USP34: variants seen among roughly 807,000 people sequenced by gnomAD.
USP34 encodes ubiquitin carboxyl-terminal hydrolase 34.
In USP34, 70 loss-of-function variants were observed where a neutral mutation model predicts 460.3. That is an observed-to-expected ratio of 0.15 (90% CI 0.13 to 0.19). USP34 has a LOEUF of 0.19. USP34 is among the 10% of genes least tolerant of loss of function. USP34 has a pLI of 1.00. For missense variants in USP34, 3,985 were observed against 4,236.2 expected (o/e 0.94, Z 1.65); for synonymous variants, 1,647 against 1,405.3 (o/e 1.17, Z -3.85).
At chr2:61,427,814 A>C (rs1694555044) in intron 1 of USP34, among the ~76,000 whole-genome samples, 1 of 152,160 alleles carries the variant, frequency 6.6e-6, no homozygotes, top group Non-Finnish European at 1.5e-5. Context: ...CGGAATTTCT[A>C]AAAATGAAGC....
Position 61,295,231 on chromosome 2 carries a change from C to T in USP34, c.4314G>A (p.Leu1438=), listed in dbSNP as rs1340456365. The T allele has an allele frequency of 6.2e-7, 1 of 1,612,078 alleles. No homozygotes were observed. Among genetic ancestry groups the T allele is most frequent in the Non-Finnish European group, 8.5e-7 (1 of 1,179,248 alleles). The change falls in exon 31 of 80, where the codon TTG becomes TTA. Residue 1438 remains leucine (L), a synonymous_variant. Coordinates refer to ENST00000398571, the MANE Select transcript of USP34 (RefSeq NM_014709.4). ...LLKIKSAHKL[L]YALEIIEALG... is the part of the protein sequence containing the mutation. ...GTGCTTCAATAATTTCCAGAGCATA[C>T]AATAGCTTGTGGGCGCTCTTAATTT...
chr2:61,211,728 T>A (rs772223463), intron 69 of USP34, 44 bp downstream of exon 69: 23 of 1,511,336 alleles, frequency 1.5e-5, no homozygotes, highest in Non-Finnish European at 2.0e-5. Flanking sequence ...ATGGTCCTCA[T>A]CTCACTGGAA....
intron 1 of USP34, among the ~76,000 whole-genome samples, chr2:61,468,738 AT>A: frequency 6.6e-6 from 1 of 152,300 alleles, no homozygotes; most frequent in East Asian, 1.9e-4. Flanking sequence ...AATTCTCCAC[AT>A]TTCTAACACT....
intron 57 of USP34, among the ~76,000 whole-genome samples, chr2:61,234,013 A>G (rs988151240): frequency 6.6e-6 from 1 of 151,968 alleles, no homozygotes; most frequent in Non-Finnish European, 1.5e-5. Flanking sequence ...TCCATTATGG[A>G]AAAAAAAGGA....
chr2:61,225,334 A>G (rs748466810), intron 62 of USP34, among the ~76,000 whole-genome samples: 6 of 152,150 alleles, frequency 3.9e-5, no homozygotes, highest in Non-Finnish European at 8.8e-5. Context: ...TATTACAAAT[A>G]ATATAATTAC....
Position 61,314,866 on chromosome 2 carries a change from A to G in USP34, c.3382+9T>C, listed in dbSNP as rs373268568. On this transcript the variant is annotated intron_variant, in intron 24 of 79. Transcript: ENST00000398571. ...AATTACCTATCAGACAATGTTTCAA[A>G]TCACTTACCATTAATATAATAGGAG... The G allele has an allele frequency of 1.4e-5, 23 of 1,601,966 alleles. No individual in the cohort carries two copies. The highest frequency in any genetic ancestry group is 1.8e-5 in the Non-Finnish European group (21 of 1,176,926).
chr2:61,333,909 C>T lies in USP34; in HGVS notation c.2807G>A (p.Ser936Asn). 1 of 1,592,256 alleles carries T rather than the reference C, an allele frequency of 6.3e-7. No homozygotes were observed. Among genetic ancestry groups the T allele is most frequent in the Admixed American group, 1.7e-5 (1 of 57,938 alleles). ...KLFGTFQQFG[S>N]SYDTHWITMW... ...TGTTATCCAGTGTGTATCGTAACTG[C>T]TCCCAAACTGCTGAAAAGTACCAAA... The change falls in exon 19 of 80, where the codon AGC becomes AAC. Residue 936 changes from serine to asparagine, a missense_variant. Ser to Asn is a conservative substitution (Grantham distance 46). Around this residue, in one of 14 missense-constraint regions of USP34, gnomAD observed 1,114 missense variants for 1,122.5 expected, o/e 0.99. Coordinates refer to ENST00000398571, the MANE Select transcript of USP34 (RefSeq NM_014709.4).
intron 18 of USP34, among the ~76,000 whole-genome samples, chr2:61,336,809 CAAAAAAA>C (rs10593128): frequency 7.5e-4 from 49 of 65,054 alleles, no homozygotes; most frequent in African/African-American, 2.4e-3. Flanking sequence ...GACTCCATCT[CAAAAAAA>C]AAAAAAAAAA....
chr2:61,222,697 T>A, intron 64 of USP34, 34 bp from the exon 65 acceptor site: 1 of 1,586,144 alleles, frequency 6.3e-7, no homozygotes, highest in African/African-American at 1.3e-5. Flanking sequence ...CAGGATATTC[T>A]TGTTTTGTTT....
chr2:61,241,791 T>C lies in USP34; in HGVS notation c.6656A>G (p.Lys2219Arg). Residue 2219 changes from lysine (K) to arginine (R), a missense_variant, in exon 52 of 80, where the codon AAA (lysine) becomes AGA (arginine). By Grantham distance (26) the Lys-to-Arg change is conservative (BLOSUM62 2). Transcript: ENST00000398571. ...TTKTYDSVTDKFMDFSFEKTH... is the reference protein window; with the variant it reads ...TTKTYDSVTDRFMDFSFEKTH... ...CTTTTCAAAAGAGAAGTCCATAAAT[T>C]TATCTGTAACAGAATCATAGGTCTT... 1 of 1,539,400 alleles carries C rather than the reference T, an allele frequency of 6.5e-7. No homozygotes were observed.
At chr2:61,450,447 A>T (rs1013610810) in intron 1 of USP34, among the ~76,000 whole-genome samples, 10 of 152,176 alleles carry the variant, frequency 6.6e-5, no homozygotes, top group African/African-American at 2.4e-4. Flanking sequence ...TGTGGTTTAC[A>T]AGTGGCAAAA....
chr2:61,214,747 G>C, intron 67 of USP34, 53 bp from the exon 68 acceptor site: 2 of 1,565,976 alleles, frequency 1.3e-6, no homozygotes, highest in Non-Finnish European at 8.6e-7. Context: ...AAAATAGACT[G>C]AACAGCAGTC....
intron 1 of USP34, among the ~76,000 whole-genome samples, chr2:61,468,119 C>G (rs1311752734): frequency 4.6e-5 from 7 of 151,634 alleles, no homozygotes; most frequent in African/African-American, 1.5e-4. Flanking sequence ...CACGGATAAG[C>G]AAAGAACTAC....
intron 20 of USP34, among the ~76,000 whole-genome samples, chr2:61,330,281 A>G (rs1691220700): frequency 6.6e-6 from 1 of 152,186 alleles, no homozygotes; most frequent in Non-Finnish European, 1.5e-5. Flanking sequence ...ATCTGACACA[A>G]TGGTAAATAT....
intron 27 of USP34, among the ~76,000 whole-genome samples, chr2:61,308,160 G>C (rs768238557): frequency 9.6e-4 from 146 of 152,070 alleles, no homozygotes; most frequent in Non-Finnish European, 8.5e-4. Context: ...CTAAATATGT[G>C]CTAAAAGAGA....
At chr2:61,455,876 A>T (rs1695423033) in intron 1 of USP34, among the ~76,000 whole-genome samples, 1 of 152,220 alleles carries the variant, frequency 6.6e-6, no homozygotes, top group South Asian at 2.1e-4. Context: ...CAAATAAGAA[A>T]CAAGGCATTA....
At chr2:61,319,764 G>C (rs944005665) in intron 21 of USP34, among the ~76,000 whole-genome samples, 4 of 152,126 alleles carry the variant, frequency 2.6e-5, no homozygotes, top group Non-Finnish European at 5.9e-5. Flanking sequence ...AGAATTGCTT[G>C]AACCTGGGAG....
intron 1 of USP34, among the ~76,000 whole-genome samples, chr2:61,446,260 T>C (rs1326252888): frequency 6.6e-6 from 1 of 152,056 alleles, no homozygotes; most frequent in African/African-American, 2.4e-5. Context: ...AAATCTAGGG[T>C]CTAGCTTAAT....
At chr2:61,381,265 A>AAC (rs528571272) in intron 6 of USP34, among the ~76,000 whole-genome samples, 2,061 of 61,118 alleles carry the variant, frequency 0.034, 44 homozygotes, top group African/African-American at 0.11. Flanking sequence ...AAAAAAATAA[A>AAC]ACACACACAC....
Sources: gnomAD v4.1 joint callset for allele counts (sites outside exome capture counted in the v4.1 genomes callset) on GRCh38, gnomAD v4.1.1 for gene constraint, gnomAD v4.1.1 regional missense constraint, MANE v1.5 for transcripts, NCBI Gene and HGNC (gene_info 2026-07-23, HGNC 2026-07-21) for gene names.